The following DAB1 variants were observed in gnomAD, a reference collection of about 807,000 sequenced individuals.
DAB1 encodes disabled homolog 1.
Under a neutral mutation model 64.6 loss-of-function variants are expected in DAB1, and 15 were observed. The ratio of observed to expected loss-of-function variants is 0.23; its 90% CI spans 0.16 to 0.36. The LOEUF (loss-of-function observed/expected upper bound fraction) is 0.36. Ranked by LOEUF, DAB1 falls within the 10% of genes least tolerant of loss-of-function variation. DAB1 has a pLI of 1.00. For synonymous variants in DAB1, 235 were observed against 251.9 expected (o/e 0.93, Z 0.64); for missense variants, 596 against 706.7 (o/e 0.84, Z 1.78).
chr1:57,281,350 T>C (rs1671872482), intron 2 of DAB1, among the ~76,000 whole-genome samples: 1 of 152,082 alleles, frequency 6.6e-6, no homozygotes, highest in Admixed American at 6.6e-5. Flanking sequence ...AAAGTAATCT[T>C]TAACTTGAGA....
chr1:58,506,076 T>A lies in DAB1; in HGVS notation n.241A>T, dbSNP rs77244905. The A allele has an allele frequency of 4.2e-3, 3,637 of 871,344 alleles. 22 individuals are homozygous for A. The highest frequency in any genetic ancestry group is 9.4e-3 in the South Asian group (717 of 76,376). The allele number at this position is 871,344 out of a possible 1,614,324, so 54.0% of individuals were successfully genotyped here. Reference sequence around the variant, plus strand: ...TCAGCTCACCTGAGGTATAAGTCTATCCAAGTACTCAACTCGATTGCCATG... The same window carrying A: ...TCAGCTCACCTGAGGTATAAGTCTAACCAAGTACTCAACTCGATTGCCATG... On this transcript the variant is annotated non_coding_transcript_exon_variant, in exon 3 of 21. Coordinates refer to the DAB1 transcript ENST00000485760.
At chr1:57,193,620 T>G (rs1287290975) in intron 2 of DAB1, among the ~76,000 whole-genome samples, 1 of 152,140 alleles carries the variant, frequency 6.6e-6, no homozygotes, top group African/African-American at 2.4e-5. Flanking sequence ...TCTCCTGACC[T>G]CGTGATCCGC....
At chr1:57,305,988 A>AAAAAAG (rs1558132335) in intron 1 of DAB1, among the ~76,000 whole-genome samples, 1 of 148,532 alleles carries the variant, frequency 6.7e-6, no homozygotes, top group African/African-American at 2.5e-5. Flanking sequence ...AAAAAAAAGA[A>AAAAAAG]AAAAGAAAAG....
At chr1:57,306,278 T>C (rs1674159686) in intron 1 of DAB1, among the ~76,000 whole-genome samples, 1 of 152,162 alleles carries the variant, frequency 6.6e-6, no homozygotes. Flanking sequence ...CTTATCTACC[T>C]ATATCTTGCC....
chr1:57,436,832 T>C (rs1294977512), intron 7 of DAB1, among the ~76,000 whole-genome samples: 1 of 151,916 alleles, frequency 6.6e-6, no homozygotes, highest in Non-Finnish European at 1.5e-5. Context: ...ATCAAGACCA[T>C]CCTGGCTAAC....
intron 14 of DAB1, among the ~76,000 whole-genome samples, chr1:57,007,021 C>CTT (rs1007376392): frequency 2.6e-5 from 4 of 151,824 alleles, no homozygotes; most frequent in African/African-American, 9.7e-5. Context: ...TCCCTACCTC[C>CTT]TTTTTTTTCT....
intron 3 of DAB1, among the ~76,000 whole-genome samples, chr1:58,408,688 T>C (rs1644640087): frequency 1.3e-5 from 2 of 152,126 alleles, no homozygotes; most frequent in Non-Finnish European, 2.9e-5. Context: ...TATTTAAGAA[T>C]TTTGACTCTT....
chr1:57,492,067 A>G (rs76443173), intron 7 of DAB1, among the ~76,000 whole-genome samples: 3,741 of 152,318 alleles, frequency 0.025, 160 homozygotes, highest in African/African-American at 0.085. Context: ...ATTTATCTCA[A>G]TTTGTGGAAA....
At chr1:57,845,271 T>G (rs1653229695) in intron 1 of DAB1, among the ~76,000 whole-genome samples, 1 of 152,142 alleles carries the variant, frequency 6.6e-6, no homozygotes, top group South Asian at 2.1e-4. Flanking sequence ...GATTAAACTG[T>G]GAAGTGTTTA....
intron 8 of DAB1, among the ~76,000 whole-genome samples, chr1:57,065,859 G>C (rs1650854045): frequency 6.6e-6 from 1 of 152,002 alleles, no homozygotes; most frequent in African/African-American, 2.4e-5. Flanking sequence ...ATTTCTGAGG[G>C]TGAGGGCTGT....
chr1:57,907,899 G>A (rs1453422727), intron 5 of DAB1, among the ~76,000 whole-genome samples: 1 of 143,616 alleles, frequency 7.0e-6, no homozygotes, highest in African/African-American at 2.7e-5. Flanking sequence ...TAATAACATT[G>A]TTATATATAT....
At chr1:58,489,624 G>A (rs1407989398) in intron 3 of DAB1, among the ~76,000 whole-genome samples, 1 of 152,198 alleles carries the variant, frequency 6.6e-6, no homozygotes, top group South Asian at 2.1e-4. Flanking sequence ...CTTGAGATCT[G>A]AGAACAGACA....
At chr1:58,055,901 T>C (rs1465083416) in intron 5 of DAB1, among the ~76,000 whole-genome samples, 1 of 151,274 alleles carries the variant, frequency 6.6e-6, no homozygotes, top group Non-Finnish European at 1.5e-5. Flanking sequence ...ATTATTATTA[T>C]TATTATTTGT....
intron 1 of DAB1, among the ~76,000 whole-genome samples, chr1:57,303,463 C>T (rs1673846970): frequency 2.6e-5 from 4 of 152,168 alleles, no homozygotes; most frequent in Non-Finnish European, 5.9e-5. Context: ...GAAAGAACTA[C>T]ATCCAAGTTG....
rs563880642 is a variant in DAB1 at position 58,083,702 on chromosome 1, T to C, written n.387+66809A>G. ...ATAAAATAGACAAAGTCCCTGCTTA[T>C]GACACTTATGCTCTAGAGAGGAAGC... On this transcript the variant is annotated intron_variant and non_coding_transcript_variant, in intron 5 of 20. Transcript: ENST00000485760. Among the ~76,000 whole-genome samples, 5 of 152,350 alleles carry C rather than the reference T, an allele frequency of 3.3e-5. No homozygotes were observed. In the South Asian group the frequency reaches 1.0e-3, roughly 32 times the overall value.
chr1:57,037,772 G>C (rs1254559702), intron 9 of DAB1, among the ~76,000 whole-genome samples: 1 of 152,212 alleles, frequency 6.6e-6, no homozygotes, highest in Non-Finnish European at 1.5e-5. Flanking sequence ...TTGGCAGAGA[G>C]AGATGGGAAA....
chr1:57,240,513 C>G lies in DAB1; in HGVS notation c.67+50451G>C, dbSNP rs571961714. Among the ~76,000 whole-genome samples the G allele has an allele frequency of 1.8e-4, 27 of 152,258 alleles. No individual in the cohort carries two copies. In the South Asian group the frequency reaches 4.8e-3, roughly 27 times the overall value. ...AATACTAAAATGCCAGCATTATTAT[C>G]CCTACACTACACATGAGGATAACCA... is the stretch of plus-strand genomic sequence containing the variant. On this transcript the variant is annotated intron_variant, in intron 2 of 14. Coordinates refer to ENST00000371236, the MANE Select transcript of DAB1 (RefSeq NM_001365792.1).
intron 1 of DAB1, among the ~76,000 whole-genome samples, chr1:57,317,628 AC>A: frequency 6.6e-6 from 1 of 152,086 alleles, no homozygotes. Flanking sequence ...TTTGAACACT[AC>A]GTTACTCAAA....
chr1:58,505,271 G>A (rs1645969599), intron 3 of DAB1, among the ~76,000 whole-genome samples: 1 of 152,176 alleles, frequency 6.6e-6, no homozygotes, highest in Admixed American at 6.5e-5. Context: ...GATCTGTTGT[G>A]CTATGCCTTA....
Sources: allele counts gnomAD v4.1 joint callset (sites outside exome capture counted in the v4.1 genomes callset), GRCh38; gene constraint gnomAD v4.1.1; transcripts MANE v1.5; gene names NCBI Gene and HGNC (gene_info 2026-07-23, HGNC 2026-07-21).